BARD1: variants seen among roughly 807,000 people sequenced by gnomAD.
The protein encoded by BARD1 is BRCA1 associated RING domain 1.
A neutral mutation model predicts 77.0 loss-of-function variants in BARD1; 73 were observed. That is an observed-to-expected ratio of 0.95 (90% CI 0.79 to 1.15). BARD1 has a LOEUF of 1.15. Ranked by LOEUF, BARD1 falls within the 50% of genes most tolerant of loss-of-function variation. The probability of loss-of-function intolerance (pLI) is 0.00; values close to 1 mark genes in which losing one functional copy is unlikely to be tolerated. For missense variants in BARD1, 993 were observed against 938.8 expected (o/e 1.06, Z -0.75); for synonymous variants, 384 against 338.0 (o/e 1.14, Z -1.49).
Position 214,728,454 on chromosome 2 carries a change from C to T in BARD1, c.*222G>A, listed in dbSNP as rs1269459256. ...AAAGACATGATAAATCAAAAACATGCCAATTTTAAAAAGAAAAACCTTTAA... is the reference window on the plus strand; with the variant it reads ...AAAGACATGATAAATCAAAAACATGTCAATTTTAAAAAGAAAAACCTTTAA... On this transcript the variant is annotated 3_prime_UTR_variant, in exon 11 of 11. Transcript: ENST00000260947. 4.3e-5 allele frequency: 24 copies of T among 555,812 alleles called. No homozygotes were observed. In the East Asian group the frequency reaches 6.7e-4, roughly 16 times the overall value. The allele number at this position is 555,812 out of a possible 1,614,324, so 34.4% of individuals were successfully genotyped here.
intron 4 of BARD1, among the ~76,000 whole-genome samples, chr2:214,777,331 C>T (rs191632489): frequency 5.3e-5 from 8 of 152,034 alleles, no homozygotes; most frequent in African/African-American, 1.7e-4. Flanking sequence ...AGGTATTATA[C>T]GATGTTTATT....
chr2:214,729,325 G>A (rs774052575), intron 10 of BARD1, among the ~76,000 whole-genome samples: 2 of 152,166 alleles, frequency 1.3e-5, no homozygotes, highest in African/African-American at 2.4e-5. Flanking sequence ...TGTTCTGACC[G>A]TGACCTGTCA....
chr2:214,727,137 T>A lies in BARD1; in HGVS notation c.*1539A>T, dbSNP rs978962042. 4.6e-6 allele frequency: 1 copy of A among 217,448 alleles called. No individual in the cohort carries two copies. Among genetic ancestry groups the A allele is most frequent in the Non-Finnish European group, 9.2e-6 (1 of 108,160 alleles). 13.5% of individuals were successfully genotyped at this position (217,448 alleles called of 1,614,324 possible). On this transcript the variant is annotated 3_prime_UTR_variant, in exon 11 of 11. Transcript: ENST00000260947. ...AATGCATTACTGGTTGTAGAGAGTG[T>A]TTCAGAGCTAATTCACCCAGCAAGG...
chr2:214,747,944 CTT>C (rs537280288), intron 7 of BARD1, among the ~76,000 whole-genome samples: 3 of 151,582 alleles, frequency 2.0e-5, no homozygotes, highest in Non-Finnish European at 4.4e-5. Flanking sequence ...TTCAATTACT[CTT>C]TGATAATATT....
intron 2 of BARD1, 96 bp from the exon 3 acceptor site, chr2:214,792,541 G>T (rs1184047535): frequency 8.1e-7 from 1 of 1,232,664 alleles, no homozygotes. Flanking sequence ...TGGAGCAGAG[G>T]TTATTCTAAC....
At chr2:214,784,902 G>A (rs567125715) in intron 3 of BARD1, among the ~76,000 whole-genome samples, 25 of 152,056 alleles carry the variant, frequency 1.6e-4, no homozygotes, top group Admixed American at 8.5e-4. Flanking sequence ...GGGAGGGATA[G>A]CATTAGGAGA....
chr2:214,809,316 GGAA>G (rs1390834766), intron 1 of BARD1, 93 bp downstream of exon 1: 1 of 1,538,770 alleles, frequency 6.5e-7, no homozygotes, highest in African/African-American at 1.4e-5. Flanking sequence ...GCGCGGGAAC[GGAA>G]GGAGGAAACG....
chr2:214,743,312 T>C lies in BARD1; in HGVS notation c.1903+1755A>G, dbSNP rs562269742. Among the ~76,000 whole-genome samples the C allele has an allele frequency of 1.1e-4, 17 of 152,360 alleles. 1 individual carries two copies. The South Asian group carries it at 3.1e-3, about 28-fold the overall frequency. ...TCTTGATAAATCAGGCATTCTACCA[T>C]AAAACCTTCAAAGCACAAAGCCATA... On this transcript the variant is annotated intron_variant, in intron 9 of 10. Coordinates refer to ENST00000260947, the MANE Select transcript of BARD1 (RefSeq NM_000465.4).
At position 214,732,521 on chromosome 2, in the gene BARD1, A is replaced by G. The variant is rs112430154; in HGVS notation, c.1904-2013T>C. Among the ~76,000 whole-genome samples, 390 of 151,490 alleles carry G rather than the reference A, an allele frequency of 2.6e-3. 2 individuals carry two copies. Among genetic ancestry groups the G allele is most frequent in the African/African-American group, 8.8e-3 (363 of 41,268 alleles). Reference sequence around the variant, plus strand: ...CACCTTTCTCCTGCCTCAGCCTCCCAAGTAGCTGGGACTACAGGCGCCCGC... The same window carrying G: ...CACCTTTCTCCTGCCTCAGCCTCCCGAGTAGCTGGGACTACAGGCGCCCGC... On this transcript the variant is annotated intron_variant, in intron 9 of 10. Coordinates refer to ENST00000260947, the MANE Select transcript of BARD1 (RefSeq NM_000465.4).
At chr2:214,751,098 T>C (rs1441680711) in intron 7 of BARD1, among the ~76,000 whole-genome samples, 1 of 9,010 alleles carries the variant, frequency 1.1e-4, no homozygotes, top group East Asian at 2.2e-3. Flanking sequence ...TGTGTGTGTG[T>C]GTGTGTGTGT....
At chr2:214,806,679 G>T (rs959294368) in intron 1 of BARD1, among the ~76,000 whole-genome samples, 3 of 152,056 alleles carry the variant, frequency 2.0e-5, no homozygotes, top group African/African-American at 7.2e-5. Flanking sequence ...TTGGAGACCA[G>T]CCTGGCCAAC....
chr2:214,797,118 C>G lies in BARD1; in HGVS notation c.159-1G>C. On this transcript the variant is annotated splice_acceptor_variant, in intron 1 of 10. Coordinates refer to ENST00000260947, the MANE Select transcript of BARD1 (RefSeq NM_000465.4). LOFTEE classifies it high-confidence loss of function. ...CACAGGCTCTCTCAGAATGTTAGTACTGTTTGAAGAAATTAAAACAATCAA... is the reference window on the plus strand; with the variant it reads ...CACAGGCTCTCTCAGAATGTTAGTAGTGTTTGAAGAAATTAAAACAATCAA... 6.2e-7 allele frequency: 1 copy of G among 1,611,792 alleles called. No homozygotes were observed. Among genetic ancestry groups the G allele is most frequent in the Non-Finnish European group, 8.5e-7 (1 of 1,178,104 alleles).
chr2:214,744,222 C>G (rs1349650895), intron 9 of BARD1, among the ~76,000 whole-genome samples: 1 of 152,062 alleles, frequency 6.6e-6, no homozygotes, highest in African/African-American at 2.4e-5. Flanking sequence ...GGTTGACTAT[C>G]AGCAAGAAGA....
chr2:214,790,522 A>T (rs1032046384), intron 3 of BARD1, among the ~76,000 whole-genome samples: 2 of 152,182 alleles, frequency 1.3e-5, no homozygotes, highest in African/African-American at 2.4e-5. Context: ...CACAGACCTC[A>T]ACAAAGAACC....
intron 3 of BARD1, among the ~76,000 whole-genome samples, chr2:214,786,633 A>G (rs1215058892): frequency 6.6e-6 from 1 of 152,030 alleles, no homozygotes; most frequent in Non-Finnish European, 1.5e-5. Flanking sequence ...GTCCCTCTCT[A>G]GCAAAAGAGT....
intron 9 of BARD1, among the ~76,000 whole-genome samples, chr2:214,736,602 T>G (rs1187290216): frequency 6.6e-6 from 1 of 152,136 alleles, no homozygotes; most frequent in Non-Finnish European, 1.5e-5. Flanking sequence ...TGACTGATTA[T>G]TTACAAGAAA....
chr2:214,780,305 C>T (rs902091978), intron 4 of BARD1, among the ~76,000 whole-genome samples: 44 of 152,116 alleles, frequency 2.9e-4, no homozygotes, highest in Non-Finnish European at 1.0e-4. Flanking sequence ...AGCAAAAGCA[C>T]TTGGCAAAAT....
chr2:214,787,071 A>AT (rs942202605), intron 3 of BARD1, among the ~76,000 whole-genome samples: 23 of 151,430 alleles, frequency 1.5e-4, no homozygotes, highest in South Asian at 4.2e-4. Context: ...CTTGTATTTG[A>AT]TTTTTTTTTA....
rs755022478 is a variant in BARD1 at position 214,745,140 on chromosome 2, A to C, written c.1830T>G (p.Pro610=). 1 of 1,613,968 alleles carries C rather than the reference A, an allele frequency of 6.2e-7. No homozygotes were observed. The highest frequency in any genetic ancestry group is 8.5e-7 in the Non-Finnish European group (1 of 1,179,846). The part of the protein sequence containing the change: ...FDSTVTHVVV[P]GDAVQSTLKC... ...TCAAGGTACTTTGAACTGCATCACC[A>C]GGAACAACAACATGAGTTACTAAAA... Residue 610 remains proline, a synonymous_variant, in exon 9 of 11, where the codon CCT becomes CCG. Transcript: ENST00000260947.
Sources: gnomAD v4.1 joint callset for allele counts (sites outside exome capture counted in the v4.1 genomes callset) on GRCh38, gnomAD v4.1.1 for gene constraint, MANE v1.5 for transcripts, NCBI Gene and HGNC (gene_info 2026-07-23, HGNC 2026-07-21) for gene names.